The following ATP2B1 variants were observed in gnomAD, a reference collection of about 807,000 sequenced individuals.
ATP2B1 encodes the protein ATPase plasma membrane Ca2+ transporting 1.
A neutral mutation model predicts 124.2 loss-of-function variants in ATP2B1; 14 were observed. The observed-to-expected ratio is 0.11, with a 90% CI of 0.07 to 0.18. The LOEUF (loss-of-function observed/expected upper bound fraction) is 0.18, where lower values mean the gene tolerates loss of function less well. ATP2B1 is among the 10% of genes least tolerant of loss of function. ATP2B1 has a pLI of 1.00. For missense variants in ATP2B1, 763 were observed against 1,466.1 expected, an observed-to-expected ratio of 0.52 and a Z score of 7.83; for synonymous variants, 449 against 492.4, an observed-to-expected ratio of 0.91 and a Z score of 1.17.
At chr12:89,708,427 G>A (rs1240465654) in intron 1 of ATP2B1, among the ~76,000 whole-genome samples, 169 bp downstream of exon 1, 1 of 152,142 alleles carries the variant, frequency 6.6e-6, no homozygotes, top group African/African-American at 2.4e-5. Context: ...CAACCTGCGA[G>A]GGGCCCCGAC....
chr12:89,691,602 G>T (rs1394077117), intron 1 of ATP2B1, among the ~76,000 whole-genome samples: 1 of 152,042 alleles, frequency 6.6e-6, no homozygotes, highest in African/African-American at 2.4e-5. Flanking sequence ...GATCACTCAG[G>T]ATTATTACTC....
chr12:89,614,730 T>C (rs1361024666), intron 12 of ATP2B1, among the ~76,000 whole-genome samples: 1 of 152,220 alleles, frequency 6.6e-6, no homozygotes, highest in African/African-American at 2.4e-5. Context: ...ATGCTTGACA[T>C]ACATTTGGAT....
At chr12:89,598,888 G>T (rs1875227827) in intron 20 of ATP2B1, 1 of 1,104,968 alleles carries the variant, frequency 9.1e-7, no homozygotes, top group Non-Finnish European at 1.3e-6. Flanking sequence ...GAGATGAAGT[G>T]GGGGATGGGG....
intron 19 of ATP2B1, 83 bp downstream of exon 19, chr12:89,601,243 A>G: frequency 1.0e-6 from 1 of 981,452 alleles, no homozygotes; most frequent in Non-Finnish European, 1.5e-6. Context: ...GAATCAAGTA[A>G]TGAAACTGTT....
rs1390913667 is a variant in ATP2B1, at chr12:89,603,930, A to G, written c.2635-5T>C. 1.2e-6 allele frequency: 2 copies of G among 1,612,894 alleles called. No individual in the cohort carries two copies. Among genetic ancestry groups the G allele is most frequent in the Admixed American group, 3.3e-5 (2 of 59,900 alleles). On this transcript the variant is annotated splice_polypyrimidine_tract_variant and splice_region_variant and intron_variant, in intron 16 of 20. Coordinates refer to ENST00000428670, the MANE Select transcript of ATP2B1 (RefSeq NM_001366521.1). This position sits in a 1 kb window ranked among gnomAD's most constrained non-coding sequence, Gnocchi z 4.3. The stretch of plus-strand genomic sequence containing the variant: ...CACAGCCTTAAGCGGTGAGTCCTAG[A>G]AAAGATATGTTTCCTAATAGACATT...
chr12:89,644,927 G>T (rs942682254), intron 2 of ATP2B1, among the ~76,000 whole-genome samples: 1 of 152,208 alleles, frequency 6.6e-6, no homozygotes, highest in African/African-American at 2.4e-5. Flanking sequence ...ACGTATCTTG[G>T]AGAGTATATG....
chr12:89,681,598 A>T (rs973437054), intron 1 of ATP2B1, among the ~76,000 whole-genome samples: 3 of 152,124 alleles, frequency 2.0e-5, no homozygotes, highest in African/African-American at 7.2e-5. Flanking sequence ...CCTAATAAAG[A>T]GAAAATTTAG....
chr12:89,645,018 A>G (rs1310654780), intron 2 of ATP2B1, among the ~76,000 whole-genome samples: 1 of 152,208 alleles, frequency 6.6e-6, no homozygotes, highest in Non-Finnish European at 1.5e-5. Context: ...ACACTATACC[A>G]ATAAAACTAT....
chr12:89,597,496 A>C (rs1874858339), intron 20 of ATP2B1, among the ~76,000 whole-genome samples: 1 of 152,154 alleles, frequency 6.6e-6, no homozygotes, highest in Admixed American at 6.6e-5. Flanking sequence ...CATTTTAAAA[A>C]ATATCAAATG....
At chr12:89,621,488 A>C in intron 10 of ATP2B1, 61 bp downstream of exon 10, 1 of 1,313,512 alleles carries the variant, frequency 7.6e-7, no homozygotes, top group Non-Finnish European at 1.0e-6. Flanking sequence ...GAAGACTTAC[A>C]TATAGTCTGA....
intron 1 of ATP2B1, among the ~76,000 whole-genome samples, chr12:89,703,108 G>GA (rs1244510352): frequency 4.6e-5 from 7 of 152,120 alleles, no homozygotes; most frequent in Non-Finnish European, 1.0e-4. Flanking sequence ...GTCTTGAGAT[G>GA]AACCTGCTTT....
chr12:89,602,649 G>T (rs561961877), intron 18 of ATP2B1, among the ~76,000 whole-genome samples: 1 of 152,030 alleles, frequency 6.6e-6, no homozygotes, highest in Admixed American at 6.5e-5. Context: ...TGAGCATGAA[G>T]AATTCAATAT....
chr12:89,698,002 T>C lies in ATP2B1; in HGVS notation c.-222+10594A>G, dbSNP rs149800748. On this transcript the variant is annotated intron_variant, in intron 1 of 20. Coordinates refer to ENST00000428670, the MANE Select transcript of ATP2B1 (RefSeq NM_001366521.1). ...ATTCTCCTGCCTCAGCCTCTAGTAG[T>C]GGGGATTACAGGCCCATGCCACTAC... Among the ~76,000 whole-genome samples the C allele has an allele frequency of 4.3e-4, 66 of 152,128 alleles. No individual in the cohort carries two copies. The East Asian group carries it at 0.011, about 26-fold the overall frequency.
At chr12:89,694,406 C>A (rs1399206429) in intron 1 of ATP2B1, among the ~76,000 whole-genome samples, 2 of 152,150 alleles carry the variant, frequency 1.3e-5, no homozygotes, top group African/African-American at 4.8e-5. Context: ...CAACATCCCC[C>A]AAACCACTCA....
At chr12:89,665,046 G>C (rs1402892628) in intron 1 of ATP2B1, among the ~76,000 whole-genome samples, 1 of 152,052 alleles carries the variant, frequency 6.6e-6, no homozygotes, top group Non-Finnish European at 1.5e-5. Flanking sequence ...GGTCAGGATA[G>C]TCTCGATCTC....
At chr12:89,666,570 G>A (rs140188142) in intron 1 of ATP2B1, among the ~76,000 whole-genome samples, 1 of 152,184 alleles carries the variant, frequency 6.6e-6, no homozygotes, top group East Asian at 1.9e-4. Flanking sequence ...CTTCTCAATG[G>A]TCAGCGACTC....
intron 2 of ATP2B1, among the ~76,000 whole-genome samples, chr12:89,654,253 T>C (rs1211093318): frequency 1.3e-5 from 2 of 152,228 alleles, no homozygotes; most frequent in Non-Finnish European, 2.9e-5. Context: ...GCAACCAATT[T>C]TGTCAAATTA....
chr12:89,633,632 T>G (rs1179934311), intron 5 of ATP2B1, among the ~76,000 whole-genome samples: 1 of 152,146 alleles, frequency 6.6e-6, no homozygotes, highest in Non-Finnish European at 1.5e-5. Context: ...GCAATAAGCT[T>G]CTTTTGGCAT....
chr12:89,681,566 CAAAT>C (rs1889357962), intron 1 of ATP2B1, among the ~76,000 whole-genome samples: 1 of 151,700 alleles, frequency 6.6e-6, no homozygotes, highest in African/African-American at 2.4e-5. Flanking sequence ...TCTTATGAAG[CAAAT>C]AAACACTGAC....
Sources: gnomAD v4.1 joint callset for allele counts (sites outside exome capture counted in the v4.1 genomes callset) on GRCh38, gnomAD v4.1.1 for gene constraint, Gnocchi (gnomAD v3.1) non-coding constraint, MANE v1.5 for transcripts, NCBI Gene and HGNC (gene_info 2026-07-23, HGNC 2026-07-21) for gene names.